Variants in EIF4B observed in about 807,000 individuals in gnomAD.
EIF4B encodes the protein eukaryotic translation initiation factor 4B.
A neutral mutation model predicts 79.3 loss-of-function variants in EIF4B; 8 were observed. The observed-to-expected ratio is 0.10, with a 90% CI of 0.06 to 0.18. The LOEUF (loss-of-function observed/expected upper bound fraction) is 0.18. EIF4B is among the 10% of genes least tolerant of loss of function. The pLI, the probability that EIF4B is intolerant of heterozygous loss-of-function variation, is 1.00. For synonymous variants in EIF4B, 238 were observed against 274.7 expected (o/e 0.87, Z 1.32); for missense variants, 515 against 792.4 (o/e 0.65, Z 4.20).
rs550678308 is a variant in EIF4B at position 53,035,765 on chromosome 12, A to T, written c.1306+1056A>T. ...GGGATTCCAAGGGCCAGCCACTGTGATATTTTTTAAGGTCTTTCCTCCCAC... is the reference window on the plus strand; with the variant it reads ...GGGATTCCAAGGGCCAGCCACTGTGTTATTTTTTAAGGTCTTTCCTCCCAC... On this transcript the variant is annotated intron_variant, in intron 10 of 14. Coordinates refer to ENST00000262056, the MANE Select transcript of EIF4B (RefSeq NM_001417.7). Among the ~76,000 whole-genome samples, 28 of 152,090 alleles carry T rather than the reference A, an allele frequency of 1.8e-4. No individual in the cohort carries two copies. The South Asian group carries it at 5.6e-3, about 30-fold the overall frequency.
At chr12:53,026,040 A>G (rs1236777918) in intron 6 of EIF4B, among the ~76,000 whole-genome samples, 1 of 152,084 alleles carries the variant, frequency 6.6e-6, no homozygotes, top group Non-Finnish European at 1.5e-5. Context: ...TGGAGGTTGC[A>G]GTGAGCCCGC....
chr12:53,026,879 A>G (rs4346045), intron 6 of EIF4B, among the ~76,000 whole-genome samples: 122,820 of 152,122 alleles, frequency 0.81, 52,108 homozygotes, highest in East Asian at 0.97. Flanking sequence ...TATTTGTACC[A>G]TTTAAAATTA....
At chr12:53,033,765 G>A in intron 8 of EIF4B, 41 bp from the exon 9 acceptor site, 1 of 1,543,574 alleles carries the variant, frequency 6.5e-7, no homozygotes, top group Non-Finnish European at 8.7e-7. Flanking sequence ...ATCAGCTTCT[G>A]GTGATTGGAA....
At chr12:53,027,972 TC>T (rs576709307) in intron 7 of EIF4B, 42 bp from the exon 8 acceptor site, 1 of 945,102 alleles carries the variant, frequency 1.1e-6, no homozygotes, top group Non-Finnish European at 1.7e-6. Flanking sequence ...CTTTTTTTTT[TC>T]CCCCTCCGCT....
chr12:53,010,019 T>C (rs1441539060), intron 1 of EIF4B, among the ~76,000 whole-genome samples: 1 of 152,232 alleles, frequency 6.6e-6, no homozygotes, highest in Non-Finnish European at 1.5e-5. Context: ...AAATTTGTAG[T>C]AGATACTGCT....
intron 2 of EIF4B, among the ~76,000 whole-genome samples, chr12:53,016,863 T>A (rs1311902392): frequency 1.3e-5 from 2 of 152,244 alleles, no homozygotes; most frequent in Non-Finnish European, 2.9e-5. Context: ...CTTAAGTTAC[T>A]ATTCTTTTGG....
At position 53,042,003 on chromosome 12, in the gene EIF4B, C is replaced by G. The variant is rs1204755200; in HGVS notation, c.*1780C>G. 6.6e-6 allele frequency: 1 copy of G among 152,628 alleles called. No individual in the cohort carries two copies. The highest frequency in any genetic ancestry group is 1.5e-5 in the Non-Finnish European group (1 of 68,052). 9.5% of individuals were successfully genotyped at this position (152,628 alleles called of 1,614,324 possible). On this transcript the variant is annotated 3_prime_UTR_variant, in exon 15 of 15. Transcript: ENST00000262056. ...TATCCAAAACTGTTTTTCCCTCTCC[C>G]CTACCTTGTCCCCCCTATTAAAATA...
chr12:53,031,247 C>T (rs1335491394), intron 8 of EIF4B, among the ~76,000 whole-genome samples: 2 of 152,210 alleles, frequency 1.3e-5, no homozygotes, highest in Admixed American at 1.3e-4. Context: ...ATACCTCTGA[C>T]ATACACGGGC....
At chr12:53,037,303 G>A (rs1943555937) in intron 10 of EIF4B, 106 bp from the exon 11 acceptor site, 26 of 1,268,216 alleles carry the variant, frequency 2.1e-5, no homozygotes, top group Non-Finnish European at 2.7e-5. Flanking sequence ...ATCCATCTTT[G>A]GGAGCCAAAA....
chr12:53,027,137 A>ACTTTTTTTTTTTTTT (rs1491387300), intron 6 of EIF4B, among the ~76,000 whole-genome samples: 1 of 25,722 alleles, frequency 3.9e-5, no homozygotes, highest in African/African-American at 8.2e-5. Context: ...AAAAAAAAAA[A>ACTTTTTTTTTTTTTT]TTTTTTTTTT....
chr12:53,028,784 A>G (rs185765739), intron 8 of EIF4B, among the ~76,000 whole-genome samples: 1 of 152,276 alleles, frequency 6.6e-6, no homozygotes, highest in Admixed American at 6.5e-5. Flanking sequence ...AATGAAATTC[A>G]GATTAAACAT....
At position 53,037,770 on chromosome 12, in the gene EIF4B, C is replaced by A. The variant is rs1943564296; in HGVS notation, c.1520+148C>A. The A allele has an allele frequency of 2.4e-5, 20 of 841,384 alleles. No homozygotes were observed. In the South Asian group the frequency reaches 3.5e-4, roughly 15 times the overall value. The allele number at this position is 841,384 out of a possible 1,614,324, so 52.1% of individuals were successfully genotyped here. ...GTCTCTTAGTGTGCTGGAACTGGCTCATAAGACCTAGTTGTTCCATTTTCT... is the reference window on the plus strand; with the variant it reads ...GTCTCTTAGTGTGCTGGAACTGGCTAATAAGACCTAGTTGTTCCATTTTCT... On this transcript the variant is annotated intron_variant, in intron 11 of 14. Coordinates refer to ENST00000262056, the MANE Select transcript of EIF4B (RefSeq NM_001417.7).
chr12:53,027,213 A>C (rs969805132), intron 6 of EIF4B, among the ~76,000 whole-genome samples: 1 of 140,912 alleles, frequency 7.1e-6, no homozygotes, highest in Non-Finnish European at 1.5e-5. Flanking sequence ...ATCTCAGCGC[A>C]ACCTCCGCCT....
At chr12:53,036,221 T>C (rs545570867) in intron 10 of EIF4B, among the ~76,000 whole-genome samples, 1 of 152,288 alleles carries the variant, frequency 6.6e-6, no homozygotes, top group Admixed American at 6.5e-5. Context: ...CAAGTGATTC[T>C]CCTGCCCAAG....
At position 53,029,381 on chromosome 12, in the gene EIF4B, T is replaced by A. The variant is rs866804201; in HGVS notation, c.979+1193T>A. Among the ~76,000 whole-genome samples, 559 of 151,228 alleles carry A rather than the reference T, an allele frequency of 3.7e-3. 4 individuals carry two copies. The highest frequency in any genetic ancestry group is 5.7e-3 in the Non-Finnish European group (383 of 67,678). Reference sequence around the variant, plus strand: ...TTTCTATCCTTTTTTTATTTTATTTTTTTTTTTTTGAGACGGAGTCTTGCT... The same window carrying A: ...TTTCTATCCTTTTTTTATTTTATTTATTTTTTTTTGAGACGGAGTCTTGCT... On this transcript the variant is annotated intron_variant, in intron 8 of 14. Transcript: ENST00000262056.
At chr12:53,017,240 G>A (rs1488581577) in intron 2 of EIF4B, among the ~76,000 whole-genome samples, 2 of 117,964 alleles carry the variant, frequency 1.7e-5, no homozygotes, top group East Asian at 2.7e-4. Flanking sequence ...GAGACAGAGC[G>A]AGACTCCATC....
chr12:53,023,498 T>C (rs1436570053), intron 6 of EIF4B, among the ~76,000 whole-genome samples: 1 of 152,044 alleles, frequency 6.6e-6, no homozygotes, highest in Non-Finnish European at 1.5e-5. Context: ...CCCAAAGTGC[T>C]GGGATTACAG....
chr12:53,014,721 G>A (rs1464900496), intron 1 of EIF4B: 1 of 152,134 alleles, frequency 6.6e-6, no homozygotes, highest in South Asian at 2.1e-4. Flanking sequence ...TAAACAAAGG[G>A]GTACATCAAG....
intron 3 of EIF4B, among the ~76,000 whole-genome samples, chr12:53,019,437 ATTTT>A (rs1337954535): frequency 2.0e-5 from 1 of 51,006 alleles, no homozygotes; most frequent in African/African-American, 6.6e-5. Flanking sequence ...ATATATATAT[ATTTT>A]TTTTTTTTCT....
Sources: gnomAD v4.1 joint callset for allele counts (sites outside exome capture counted in the v4.1 genomes callset) on GRCh38, gnomAD v4.1.1 for gene constraint, MANE v1.5 for transcripts, NCBI Gene and HGNC (gene_info 2026-07-23, HGNC 2026-07-21) for gene names.